Variants in LRRTM4 observed in about 807,000 individuals in gnomAD.
The protein encoded by LRRTM4 is leucine rich repeat transmembrane neuronal 4.
A neutral mutation model predicts 47.6 loss-of-function variants in LRRTM4; 25 were observed. The observed-to-expected ratio is 0.53, with a 90% CI of 0.38 to 0.73. The LOEUF (loss-of-function observed/expected upper bound fraction) is 0.73. Among genes scored for constraint, LRRTM4 ranks in the 30% least tolerant of loss-of-function variants. The pLI is 0.00. For synonymous variants in LRRTM4, 311 were observed against 269.5 expected, an observed-to-expected ratio of 1.15 and a Z score of -1.51; for missense variants, 638 against 713.4, an observed-to-expected ratio of 0.89 and a Z score of 1.20.
intron 3 of LRRTM4, among the ~76,000 whole-genome samples, chr2:77,218,184 G>C (rs1398311527): frequency 1.3e-5 from 2 of 152,024 alleles, no homozygotes; most frequent in African/African-American, 4.8e-5. Flanking sequence ...AGTAGAGATG[G>C]GGTTTCTTCA....
chr2:76,830,283 GTTGT>G (rs1383580566), intron 3 of LRRTM4, among the ~76,000 whole-genome samples: 4 of 151,914 alleles, frequency 2.6e-5, no homozygotes, highest in Non-Finnish European at 4.4e-5. Flanking sequence ...CTTTAAGCCA[GTTGT>G]TTGTACTCTA....
chr2:77,053,125 G>A (rs144347624), intron 3 of LRRTM4, among the ~76,000 whole-genome samples: 69 of 152,250 alleles, frequency 4.5e-4, no homozygotes, highest in Non-Finnish European at 7.4e-4. Context: ...TAAAGAAACC[G>A]TAACTAGTAG....
intron 3 of LRRTM4, among the ~76,000 whole-genome samples, chr2:76,867,795 A>G (rs972322961): frequency 2.0e-5 from 3 of 152,168 alleles, no homozygotes; most frequent in Admixed American, 6.5e-5. Flanking sequence ...GGAATAGAAT[A>G]TATTTTCTAT....
intron 3 of LRRTM4, among the ~76,000 whole-genome samples, chr2:77,184,989 T>C (rs1422009152): frequency 2.6e-5 from 4 of 152,070 alleles, no homozygotes; most frequent in African/African-American, 7.3e-5. Context: ...TTGAGGTCTC[T>C]ACATATTGTA....
At chr2:77,243,281 A>G (rs1435926320) in intron 3 of LRRTM4, among the ~76,000 whole-genome samples, 2 of 151,870 alleles carry the variant, frequency 1.3e-5, no homozygotes, top group Non-Finnish European at 2.9e-5. Flanking sequence ...GTGGTGGTGC[A>G]TGCCTGTAAT....
At chr2:77,102,054 T>A (rs902384959) in intron 3 of LRRTM4, among the ~76,000 whole-genome samples, 13 of 152,206 alleles carry the variant, frequency 8.5e-5, no homozygotes, top group African/African-American at 3.1e-4. Context: ...CCAGTTACTA[T>A]CTGTGTGTGC....
chr2:76,936,398 G>A (rs1674949779), intron 3 of LRRTM4, among the ~76,000 whole-genome samples: 1 of 151,114 alleles, frequency 6.6e-6, no homozygotes, highest in South Asian at 2.1e-4. Context: ...GAGAACACAT[G>A]CACACAGGGA....
At chr2:77,170,796 A>C (rs200272206) in intron 3 of LRRTM4, among the ~76,000 whole-genome samples, 1 of 139,802 alleles carries the variant, frequency 7.2e-6, no homozygotes, top group Non-Finnish European at 1.6e-5. Context: ...AGTTTTTTCT[A>C]TGTCACTCAA....
At chr2:77,085,759 T>C (rs1045451936) in intron 3 of LRRTM4, among the ~76,000 whole-genome samples, 1 of 152,200 alleles carries the variant, frequency 6.6e-6, no homozygotes, top group Non-Finnish European at 1.5e-5. Context: ...GTGTACATCA[T>C]CTAATGATTT....
At chr2:77,360,450 T>A (rs752183665) in intron 3 of LRRTM4, among the ~76,000 whole-genome samples, 76 of 150,050 alleles carry the variant, frequency 5.1e-4, no homozygotes, top group Non-Finnish European at 3.7e-4. Context: ...AGAGCGAGAC[T>A]CCATCTCAAA....
At chr2:76,867,375 C>T (rs1672497325) in intron 3 of LRRTM4, among the ~76,000 whole-genome samples, 1 of 152,064 alleles carries the variant, frequency 6.6e-6, no homozygotes, top group African/African-American at 2.4e-5. Context: ...TGTTTGTAAA[C>T]CAAATTGGAC....
chr2:76,902,880 T>G (rs1383882222), intron 3 of LRRTM4, among the ~76,000 whole-genome samples: 1 of 152,064 alleles, frequency 6.6e-6, no homozygotes. Flanking sequence ...TCATGTTCAT[T>G]TGAGTTCTTA....
intron 3 of LRRTM4, among the ~76,000 whole-genome samples, chr2:77,158,448 C>T (rs1437485725): frequency 6.6e-6 from 1 of 152,040 alleles, no homozygotes; most frequent in Non-Finnish European, 1.5e-5. Context: ...TGGAATGTTG[C>T]CTGTTACATT....
intron 3 of LRRTM4, among the ~76,000 whole-genome samples, chr2:77,090,239 G>A (rs916229729): frequency 2.0e-5 from 3 of 152,162 alleles, no homozygotes; most frequent in African/African-American, 7.2e-5. Context: ...TAAAGGCATA[G>A]TCAAGGTTAA....
intron 3 of LRRTM4, among the ~76,000 whole-genome samples, chr2:77,008,658 G>A (rs1210983209): frequency 6.6e-6 from 1 of 151,672 alleles, no homozygotes; most frequent in East Asian, 1.9e-4. Context: ...TTGTTGAGGT[G>A]TGTTTGCCAT....
rs1679415425 is a variant in LRRTM4, at chr2:77,519,917, C to T, written c.5-53G>A. 1 of 1,483,292 alleles carries T rather than the reference C, an allele frequency of 6.7e-7. No homozygotes were observed. Among genetic ancestry groups the T allele is most frequent in the Admixed American group, 2.4e-5 (1 of 41,558 alleles). The allele number at this position is 1,483,292 out of a possible 1,614,324, so 91.9% of individuals were successfully genotyped here. ...ACATTGTGAAGCTATTAAAATAAAT[C>T]ACCGTCGGTTTACCAACAACAGGGG... is the stretch of plus-strand genomic sequence containing the variant. On this transcript the variant is annotated intron_variant, in intron 2 of 3. Coordinates refer to ENST00000409884, the MANE Select transcript of LRRTM4 (RefSeq NM_001134745.3). The surrounding 1 kb of genome is among the most constrained non-coding windows in gnomAD (Gnocchi z 4.6).
At chr2:77,504,804 C>T (rs919893112) in intron 3 of LRRTM4, among the ~76,000 whole-genome samples, 5 of 151,306 alleles carry the variant, frequency 3.3e-5, no homozygotes, top group Non-Finnish European at 7.4e-5. Flanking sequence ...ATTACATAAA[C>T]AATTTGTTAT....
intron 3 of LRRTM4, among the ~76,000 whole-genome samples, chr2:77,057,607 C>T (rs1171069035): frequency 6.6e-6 from 1 of 152,126 alleles, no homozygotes; most frequent in African/African-American, 2.4e-5. Flanking sequence ...CCAGCTAGTC[C>T]AGTGATTTAA....
chr2:77,362,150 A>AAAGAAAGAAAGAAAGAAAGAAAGAAAGG (rs1244162556), intron 3 of LRRTM4, among the ~76,000 whole-genome samples: 3 of 140,378 alleles, frequency 2.1e-5, no homozygotes, highest in African/African-American at 9.8e-5. Context: ...AGAAAGAAAG[A>AAAGAAAGAAAGAAAGAAAGAAAGAAAGG]AAGAAAGAAA....
Sources: gnomAD v4.1 joint callset for allele counts (sites outside exome capture counted in the v4.1 genomes callset) on GRCh38, gnomAD v4.1.1 for gene constraint, Gnocchi (gnomAD v3.1) non-coding constraint, MANE v1.5 for transcripts, NCBI Gene and HGNC (gene_info 2026-07-23, HGNC 2026-07-21) for gene names.